Variants in PSD3 observed in about 807,000 individuals in gnomAD.
PSD3 encodes pleckstrin and Sec7 domain containing 3, also known as PH and SEC7 domain-containing protein 3.
A neutral mutation model predicts 105.5 loss-of-function variants in PSD3; 49 were observed. That is an observed-to-expected ratio of 0.46 (90% CI 0.37 to 0.59). The LOEUF (loss-of-function observed/expected upper bound fraction) is 0.59, where lower values mean the gene tolerates loss of function less well. PSD3 is among the 20% of genes least tolerant of loss of function. The probability of loss-of-function intolerance (pLI) is 0.00; values close to 1 mark genes in which losing one functional copy is unlikely to be tolerated. For missense variants in PSD3, 1,561 were observed against 1,263.8 expected (o/e 1.24, Z -3.57); for synonymous variants, 557 against 457.8 (o/e 1.22, Z -2.77).
rs574544797 is a variant in PSD3 at position 18,680,922 on chromosome 8, CT to C, written c.2173-25238del. Among the ~76,000 whole-genome samples, 232 of 152,148 alleles carry C rather than the reference CT, an allele frequency of 1.5e-3. 1 individual carries two copies. Among genetic ancestry groups the C allele is most frequent in the Non-Finnish European group, 2.4e-3 (160 of 67,996 alleles). On this transcript the variant is annotated intron_variant, in intron 9 of 15. Transcript: ENST00000327040. ...TAATCCTTTCCACAGTCCTTTAACACTTTTTTTCAAATGAATATGAATAAAT... is the reference window on the plus strand; with the variant it reads ...TAATCCTTTCCACAGTCCTTTAACACTTTTTTCAAATGAATATGAATAAAT...
rs1165511702 is a variant in PSD3 at position 18,656,695 on chromosome 8, A to G, written c.2173-1010T>C. Among the ~76,000 whole-genome samples, 3 of 152,066 alleles carry G rather than the reference A, an allele frequency of 2.0e-5. No individual in the cohort carries two copies. The East Asian group carries it at 5.8e-4, about 29-fold the overall frequency. ...AAGGTCCTTGTAGTCAGCTTGTTCC[A>G]CTATACCAACTACCGAGAAACATTT... On this transcript the variant is annotated intron_variant, in intron 9 of 15. Transcript: ENST00000327040.
intron 10 of PSD3, among the ~76,000 whole-genome samples, chr8:18,652,327 C>A (rs1252760328): frequency 1.3e-5 from 2 of 151,772 alleles, no homozygotes; most frequent in African/African-American, 2.4e-5. Context: ...GAGGAGGAGA[C>A]TACATTGGAA....
At chr8:19,073,201 G>T (rs1012559091) in intron 1 of PSD3, among the ~76,000 whole-genome samples, 20 of 152,178 alleles carry the variant, frequency 1.3e-4, no homozygotes, top group African/African-American at 4.3e-4. Context: ...AAGCAAACCT[G>T]AAAAGGGATG....
At chr8:18,684,702 T>A (rs925614326) in intron 9 of PSD3, among the ~76,000 whole-genome samples, 1 of 152,186 alleles carries the variant, frequency 6.6e-6, no homozygotes, top group Non-Finnish European at 1.5e-5. Flanking sequence ...AAATCCAGAA[T>A]AAAGATGTTC....
At chr8:18,679,387 G>T (rs905248839) in intron 9 of PSD3, among the ~76,000 whole-genome samples, 2 of 152,226 alleles carry the variant, frequency 1.3e-5, no homozygotes, top group Non-Finnish European at 2.9e-5. Flanking sequence ...TTTTTAAAAA[G>T]CAATGGATTA....
At chr8:19,058,411 A>G (rs1828780190) in intron 1 of PSD3, among the ~76,000 whole-genome samples, 1 of 148,528 alleles carries the variant, frequency 6.7e-6, no homozygotes. Flanking sequence ...AATATAATCT[A>G]TAATGTAAAA....
At chr8:18,689,667 C>A (rs1328038682) in intron 9 of PSD3, among the ~76,000 whole-genome samples, 2 of 152,190 alleles carry the variant, frequency 1.3e-5, no homozygotes, top group Non-Finnish European at 2.9e-5. Context: ...TTTGCTTGTA[C>A]TGAAACAGAG....
chr8:18,586,764 C>T (rs779039290), intron 12 of PSD3, among the ~76,000 whole-genome samples: 9 of 152,016 alleles, frequency 5.9e-5, no homozygotes, highest in African/African-American at 1.7e-4. Flanking sequence ...TCCCCAAGGC[C>T]GAGACGTTGG....
chr8:18,608,950 G>C (rs1384656760), intron 11 of PSD3, among the ~76,000 whole-genome samples: 2 of 152,060 alleles, frequency 1.3e-5, no homozygotes, highest in African/African-American at 4.8e-5. Flanking sequence ...ATCTTGTCCT[G>C]TTTTTTGACC....
intron 1 of PSD3, among the ~76,000 whole-genome samples, chr8:18,974,668 A>C (rs1001089582): frequency 4.0e-5 from 6 of 149,214 alleles, no homozygotes; most frequent in Non-Finnish European, 9.0e-5. Context: ...ATAACACATC[A>C]AGTCAAAAAA....
rs1184727176 is a variant in PSD3 at position 18,556,296 on chromosome 8, G to A, written c.2841C>T (p.Ala947=). 2.5e-6 allele frequency: 4 copies of A among 1,613,780 alleles called. No individual in the cohort carries two copies. Among genetic ancestry groups the A allele is most frequent in the Admixed American group, 1.7e-5 (1 of 59,976 alleles). The part of the protein sequence containing the change: ...SKLKQITTEL[A]EHRSYPPDKK... Reference sequence around the variant, plus strand: ...TGTCGGGGGGATATGAGCGGTGCTCGGCCAGCTCGGTGGTGATCTGCTTCA... The same window carrying A: ...TGTCGGGGGGATATGAGCGGTGCTCAGCCAGCTCGGTGGTGATCTGCTTCA... The change falls in exon 15 of 16, where the codon GCC becomes GCT. Residue 947 remains alanine (A), a synonymous_variant. Coordinates refer to ENST00000327040, the MANE Select transcript of PSD3 (RefSeq NM_015310.4).
At chr8:18,620,062 C>T (rs989418955) in intron 11 of PSD3, among the ~76,000 whole-genome samples, 1 of 152,172 alleles carries the variant, frequency 6.6e-6, no homozygotes, top group Non-Finnish European at 1.5e-5. Context: ...GTGATAAGGG[C>T]CGTGGCTCCC....
rs574267206 is a variant in PSD3 at position 18,876,462 on chromosome 8, C to T, written c.131-3729G>A. On this transcript the variant is annotated intron_variant, in intron 2 of 15. Transcript: ENST00000327040. The stretch of plus-strand genomic sequence containing the variant: ...AGTGCAGTGGGACGATCATGGCTCA[C>T]TGCAGCCCTGACCTCCTGGGCTCAA... Among the ~76,000 whole-genome samples the T allele has an allele frequency of 5.3e-5, 8 of 152,308 alleles. No individual in the cohort carries two copies. The South Asian group carries it at 6.2e-4, about 12-fold the overall frequency.
intron 11 of PSD3, among the ~76,000 whole-genome samples, chr8:18,616,831 G>C (rs955297171): frequency 6.6e-6 from 1 of 151,450 alleles, no homozygotes; most frequent in African/African-American, 2.4e-5. Flanking sequence ...CACCGTTTTA[G>C]CCGGGATGGT....
At chr8:18,846,326 C>G (rs1367799772) in intron 4 of PSD3, among the ~76,000 whole-genome samples, 1 of 152,172 alleles carries the variant, frequency 6.6e-6, no homozygotes, top group Non-Finnish European at 1.5e-5. Flanking sequence ...AACCTGAATG[C>G]CAACATTTAA....
chr8:18,755,226 C>T (rs544788888), intron 9 of PSD3, among the ~76,000 whole-genome samples: 3 of 152,076 alleles, frequency 2.0e-5, no homozygotes, highest in East Asian at 1.9e-4. Context: ...GCTAGGAGTT[C>T]GAGACCAGCC....
At chr8:18,927,420 G>A (rs1821444400) in intron 2 of PSD3, among the ~76,000 whole-genome samples, 1 of 152,058 alleles carries the variant, frequency 6.6e-6, no homozygotes, top group Admixed American at 6.5e-5. Flanking sequence ...CATCACGTTG[G>A]TCAAGTTGGT....
intron 10 of PSD3, among the ~76,000 whole-genome samples, chr8:18,649,480 T>C (rs1808311996): frequency 6.6e-6 from 1 of 152,188 alleles, no homozygotes; most frequent in Non-Finnish European, 1.5e-5. Context: ...CATTGTATCT[T>C]GGGAGCAACT....
intron 9 of PSD3, among the ~76,000 whole-genome samples, chr8:18,718,094 G>A (rs1407115298): frequency 6.6e-6 from 1 of 152,164 alleles, no homozygotes; most frequent in Non-Finnish European, 1.5e-5. Flanking sequence ...GTTTCACCCT[G>A]CCCTAGTGAG....
Sources: gnomAD v4.1 joint callset for allele counts (sites outside exome capture counted in the v4.1 genomes callset) on GRCh38, gnomAD v4.1.1 for gene constraint, MANE v1.5 for transcripts, NCBI Gene and HGNC (gene_info 2026-07-23, HGNC 2026-07-21) for gene names.